RAB3B: variants seen among roughly 807,000 people sequenced by gnomAD.
The protein encoded by RAB3B is RAB3B, member RAS oncogene family.
Under a neutral mutation model 20.5 loss-of-function variants are expected in RAB3B, and 11 were observed. That is an observed-to-expected ratio of 0.54 (90% CI 0.34 to 0.89). The LOEUF is 0.89. Ranked by LOEUF, RAB3B falls within the 40% of genes least tolerant of loss-of-function variation. The pLI, the probability that RAB3B is intolerant of heterozygous loss-of-function variation, is 0.02. For synonymous variants in RAB3B, 99 were observed against 106.3 expected, an observed-to-expected ratio of 0.93 and a Z score of 0.42; for missense variants, 225 against 280.9, an observed-to-expected ratio of 0.80 and a Z score of 1.42.
intron 1 of RAB3B, among the ~76,000 whole-genome samples, chr1:51,982,182 C>T (rs775339872): frequency 3.9e-5 from 6 of 152,086 alleles, no homozygotes; most frequent in Non-Finnish European, 5.9e-5. Context: ...TAGGCCTAAG[C>T]TCAGGTGTGT....
At chr1:51,951,627 C>A (rs2124276864) in intron 2 of RAB3B, among the ~76,000 whole-genome samples, 1 of 152,168 alleles carries the variant, frequency 6.6e-6, no homozygotes, top group African/African-American at 2.4e-5. Context: ...GCCTGGGCAA[C>A]AAAGTGAGAC....
chr1:51,908,382 A>G lies in RAB3B; in HGVS notation c.*11545T>C, dbSNP rs1683949040. ...GCTATGGTACATCTCCTAGGTTGGC[A>G]TGAGACCAGCCTGGTCCCCAGTTGA... On this transcript the variant is annotated 3_prime_UTR_variant, in exon 5 of 5. Coordinates refer to ENST00000371655, the MANE Select transcript of RAB3B (RefSeq NM_002867.4). 1 of 152,120 alleles carries G rather than the reference A, an allele frequency of 6.6e-6. No homozygotes were observed. Among genetic ancestry groups the G allele is most frequent in the Non-Finnish European group, 1.5e-5 (1 of 68,030 alleles). 9.4% of individuals were successfully genotyped at this position (152,120 alleles called of 1,614,324 possible). A position where few individuals can be genotyped will look rare whatever the true frequency, so the allele number is the denominator to read the frequency against.
rs1684049817 is a variant in RAB3B at position 51,914,251 on chromosome 1, AAGGTT to A, written c.*5671_*5675del. The A allele has an allele frequency of 6.6e-6, 1 of 152,202 alleles. No homozygotes were observed. The highest frequency in any genetic ancestry group is 1.5e-5 in the Non-Finnish European group (1 of 68,044). The allele number at this position is 152,202 out of a possible 1,614,324, so 9.4% of individuals were successfully genotyped here. A position where few individuals can be genotyped will look rare whatever the true frequency, so the allele number is the denominator to read the frequency against. On this transcript the variant is annotated 3_prime_UTR_variant, in exon 5 of 5. Transcript: ENST00000371655. ...GGCATTTGTATTTGATCAGTCATCA[AAGGTT>A]AGTACTAAAAGGTGAAAGCTTAGTT...
intron 2 of RAB3B, among the ~76,000 whole-genome samples, chr1:51,939,681 C>T (rs1402774499): frequency 6.6e-6 from 1 of 152,166 alleles, no homozygotes. Context: ...CTCAAGTGAT[C>T]CTCCCACCTC....
In RAB3B at chr1:51,913,074, G is replaced by C. The variant is rs1557958316; in HGVS notation, c.*6853C>G. The C allele has an allele frequency of 6.6e-6, 1 of 152,172 alleles. No individual in the cohort carries two copies. Among genetic ancestry groups the C allele is most frequent in the African/African-American group, 2.4e-5 (1 of 41,444 alleles). 9.4% of individuals were successfully genotyped at this position (152,172 alleles called of 1,614,324 possible). ...TGGAGCCATCTTTTCTATATATACTGAATCTTTCTGCTGGGCTTCTGGCCA... is the reference window on the plus strand; with the variant it reads ...TGGAGCCATCTTTTCTATATATACTCAATCTTTCTGCTGGGCTTCTGGCCA... On this transcript the variant is annotated 3_prime_UTR_variant, in exon 5 of 5. Coordinates refer to ENST00000371655, the MANE Select transcript of RAB3B (RefSeq NM_002867.4).
At chr1:51,967,521 C>CTTTTCTTTTTTTTTTTTTTTTTTTTTT (rs1684870734) in intron 2 of RAB3B, among the ~76,000 whole-genome samples, 1 of 36,496 alleles carries the variant, frequency 2.7e-5, no homozygotes, top group East Asian at 1.5e-3. Flanking sequence ...TTTTCTTTTT[C>CTTTTCTTTTTTTTTTTTTTTTTTTTTT]TTTTTTTTTT....
chr1:51,981,462 T>C (rs1685086660), intron 1 of RAB3B, among the ~76,000 whole-genome samples: 2 of 152,254 alleles, frequency 1.3e-5, no homozygotes, highest in African/African-American at 4.8e-5. Context: ...GTTATCAATT[T>C]ATATATCCTT....
rs112401585 is a variant in RAB3B at position 51,936,653 on chromosome 1, G to A, written c.347+641C>T. ...GAACATCCTTATTCATTTGTCCCTC[G>A]GGCTAACTCCTGTTCATCTTACAAA... is the stretch of plus-strand genomic sequence containing the variant. On this transcript the variant is annotated intron_variant, in intron 3 of 4. Transcript: ENST00000371655. 9.3e-3 allele frequency among the ~76,000 whole-genome samples: 1,420 copies of A among 151,938 alleles called. 35 individuals carry two copies. The highest frequency in any genetic ancestry group is 0.032 in the African/African-American group (1,327 of 41,422).
chr1:51,955,135 CCTT>C (rs1242887502), intron 2 of RAB3B, among the ~76,000 whole-genome samples: 3 of 152,228 alleles, frequency 2.0e-5, no homozygotes, highest in African/African-American at 7.2e-5. Flanking sequence ...CCCTCCCTCT[CCTT>C]CTTGTCATCT....
chr1:51,969,530 T>A (rs921465229), intron 2 of RAB3B, among the ~76,000 whole-genome samples: 1 of 152,200 alleles, frequency 6.6e-6, no homozygotes, highest in Non-Finnish European at 1.5e-5. Context: ...TTTGTGTGTC[T>A]TTCTGACTCC....
intron 4 of RAB3B, among the ~76,000 whole-genome samples, chr1:51,930,169 T>C (rs1374898630): frequency 6.6e-6 from 1 of 152,176 alleles, no homozygotes; most frequent in East Asian, 1.9e-4. Flanking sequence ...GGCACTAAGA[T>C]TTAATCTCAG....
intron 2 of RAB3B, among the ~76,000 whole-genome samples, chr1:51,944,221 A>T (rs1224534593): frequency 6.6e-6 from 1 of 152,236 alleles, no homozygotes; most frequent in Non-Finnish European, 1.5e-5. Flanking sequence ...CTAAGCCTGG[A>T]TGACAACACA....
rs563191264 is a variant in RAB3B, at chr1:51,915,051, T to C, written c.*4876A>G. 2 of 152,178 alleles carry C rather than the reference T, an allele frequency of 1.3e-5. No individual in the cohort carries two copies. The highest frequency in any genetic ancestry group is 2.9e-5 in the Non-Finnish European group (2 of 68,030). 9.4% of individuals were successfully genotyped at this position (152,178 alleles called of 1,614,324 possible). A position where few individuals can be genotyped will look rare whatever the true frequency, so the allele number is the denominator to read the frequency against. ...TGGTACTACCAGAGGGTATATCCCA[T>C]CTACCCTTCTGCTAAGACAATCTGA... On this transcript the variant is annotated 3_prime_UTR_variant, in exon 5 of 5. Transcript: ENST00000371655.
rs556991360 is a variant in RAB3B at position 51,965,386 on chromosome 1, C to T, written c.228+11504G>A. On this transcript the variant is annotated intron_variant, in intron 2 of 4. Transcript: ENST00000371655. Reference sequence around the variant, plus strand: ...GAATTTTGGCTGGCCCGGTGGCTTACGCCTGTAATCCAAGCACTTTAGGAG... The same window carrying T: ...GAATTTTGGCTGGCCCGGTGGCTTATGCCTGTAATCCAAGCACTTTAGGAG... Among the ~76,000 whole-genome samples the T allele has an allele frequency of 9.2e-5, 14 of 152,238 alleles. 1 individual carries two copies. The Middle Eastern group carries it at 0.01, about 111-fold the overall frequency.
At chr1:51,975,767 G>A (rs1250537999) in intron 2 of RAB3B, among the ~76,000 whole-genome samples, 2 of 152,178 alleles carry the variant, frequency 1.3e-5, no homozygotes, top group African/African-American at 4.8e-5. Flanking sequence ...GCCGAGGTGG[G>A]CGGATCACAA....
intron 3 of RAB3B, among the ~76,000 whole-genome samples, chr1:51,936,686 A>C (rs1372546652): frequency 1.3e-5 from 2 of 152,132 alleles, no homozygotes; most frequent in African/African-American, 4.8e-5. Context: ...AAAATGCAGC[A>C]TATGTGTCAG....
At position 51,977,192 on chromosome 1, in the gene RAB3B, C is replaced by G. The variant is rs905319966; in HGVS notation, c.1-75G>C. 9.2e-6 allele frequency: 10 copies of G among 1,082,190 alleles called. No homozygotes were observed. The African/African-American group carries it at 9.3e-5, about 10-fold the overall frequency. 67.0% of individuals were successfully genotyped at this position (1,082,190 alleles called of 1,614,324 possible). ...TGAGTCACCATCCTTCTAATGGTCA[C>G]CCCACCATTCACACACTCACTCCTT... On this transcript the variant is annotated intron_variant, in intron 1 of 4. Transcript: ENST00000371655.
At chr1:51,977,748 G>A (rs534563348) in intron 1 of RAB3B, among the ~76,000 whole-genome samples, 209 of 152,294 alleles carry the variant, frequency 1.4e-3, no homozygotes, top group African/African-American at 4.9e-3. Context: ...GCTGCAGGGA[G>A]CCATGATCAT....
At chr1:51,921,001 A>G (rs1251062764) in intron 4 of RAB3B, among the ~76,000 whole-genome samples, 4 of 152,326 alleles carry the variant, frequency 2.6e-5, no homozygotes, top group South Asian at 2.1e-4. Context: ...TCTATTTTGT[A>G]TCTTGAGACC....
Sources: allele counts gnomAD v4.1 joint callset (sites outside exome capture counted in the v4.1 genomes callset), GRCh38; gene constraint gnomAD v4.1.1; transcripts MANE v1.5; gene names NCBI Gene and HGNC (gene_info 2026-07-23, HGNC 2026-07-21).